RBM27: variants seen among roughly 807,000 people sequenced by gnomAD.
RBM27 encodes the protein RNA binding motif protein 27, also known as RNA-binding protein 27.
RBM27 carries 22 observed loss-of-function variants against 135.3 expected under a neutral mutation model. That is an observed-to-expected ratio of 0.16 (90% CI 0.12 to 0.23). The LOEUF (loss-of-function observed/expected upper bound fraction) is 0.23, where lower values mean the gene tolerates loss of function less well. RBM27 is among the 10% of genes least tolerant of loss of function. The pLI, the probability that RBM27 is intolerant of heterozygous loss-of-function variation, is 1.00. For missense variants in RBM27, 1,009 were observed against 1,281.0 expected, an observed-to-expected ratio of 0.79 and a Z score of 3.24; for synonymous variants, 481 against 442.4, an observed-to-expected ratio of 1.09 and a Z score of -1.10.
intron 14 of RBM27, among the ~76,000 whole-genome samples, chr5:146,266,643 A>C (rs1447392823): frequency 6.6e-6 from 1 of 152,202 alleles, no homozygotes; most frequent in East Asian, 1.9e-4. Context: ...TTAATTAAGA[A>C]GTTTTTAAAA....
At chr5:146,240,165 T>C (rs1328031815) in intron 8 of RBM27, among the ~76,000 whole-genome samples, 2 of 152,124 alleles carry the variant, frequency 1.3e-5, no homozygotes, top group Non-Finnish European at 2.9e-5. Context: ...ATGCCAATTA[T>C]ACCCTTTCTG....
chr5:146,268,002 TTTA>T (rs1245207183), intron 15 of RBM27, among the ~76,000 whole-genome samples: 1 of 152,066 alleles, frequency 6.6e-6, no homozygotes, highest in Non-Finnish European at 1.5e-5. Flanking sequence ...AATTCTAGTG[TTTA>T]TTTTCTTTTT....
rs1759587880 is a variant in RBM27 at position 146,286,531 on chromosome 5, T to A, written c.*501T>A. 7.7e-6 allele frequency: 1 copy of A among 129,224 alleles called. No individual in the cohort carries two copies. Among genetic ancestry groups the A allele is most frequent in the Non-Finnish European group, 1.5e-5 (1 of 64,646 alleles). The allele number at this position is 129,224 out of a possible 1,614,324, so 8.0% of individuals were successfully genotyped here. On this transcript the variant is annotated 3_prime_UTR_variant, in exon 21 of 21. Coordinates refer to ENST00000265271, the MANE Select transcript of RBM27 (RefSeq NM_018989.2). ...AAAAATATGTTTATTTTAATTTTAA[T>A]TTTTTTTTTTTTTTACTTTGGAGGA...
intron 6 of RBM27, 139 bp from the exon 7 acceptor site, chr5:146,233,311 A>G: frequency 1.5e-6 from 2 of 1,346,236 alleles, no homozygotes; most frequent in South Asian, 3.4e-5. Flanking sequence ...TGCTTAACAG[A>G]GTAACACTGA....
At chr5:146,216,413 G>A (rs1370505466) in intron 1 of RBM27, among the ~76,000 whole-genome samples, 2 of 152,012 alleles carry the variant, frequency 1.3e-5, no homozygotes, top group African/African-American at 4.8e-5. Context: ...TGTATTTAAG[G>A]TGTGATGTTT....
Position 146,261,578 on chromosome 5 carries a change from C to G in RBM27, c.1962C>G (p.Ala654=), listed in dbSNP as rs776652423. 2 of 1,614,182 alleles carry G rather than the reference C, an allele frequency of 1.2e-6. No individual in the cohort carries two copies. Among genetic ancestry groups the G allele is most frequent in the East Asian group, 4.5e-5 (2 of 44,892 alleles). ...TTACCAATGAGGAGGCCAGGAAAGC[C>G]ATTTCTAGCACAGAAGCAGTTCTAA... ...QYLTNEEARK[A]ISSTEAVLNN... The change falls in exon 13 of 21, where the codon GCC becomes GCG. Residue 654 remains alanine (A), a synonymous_variant. Coordinates refer to ENST00000265271, the MANE Select transcript of RBM27 (RefSeq NM_018989.2).
intron 5 of RBM27, among the ~76,000 whole-genome samples, chr5:146,230,442 A>G (rs573995547): frequency 6.6e-6 from 1 of 152,304 alleles, no homozygotes; most frequent in Middle Eastern, 3.4e-3. Flanking sequence ...TGATACTATA[A>G]AAGATGATTT....
intron 8 of RBM27, among the ~76,000 whole-genome samples, chr5:146,244,371 T>A (rs1052178408): frequency 6.6e-6 from 1 of 152,170 alleles, no homozygotes; most frequent in Non-Finnish European, 1.5e-5. Context: ...AAAAATTGAT[T>A]ATAATTTATA....
At chr5:146,213,620 T>C (rs1442610347) in intron 1 of RBM27, among the ~76,000 whole-genome samples, 2 of 152,178 alleles carry the variant, frequency 1.3e-5, no homozygotes, top group Non-Finnish European at 2.9e-5. Context: ...AGCAAGTAAA[T>C]GGTAATGGTT....
In RBM27 at chr5:146,271,580, C is replaced by T. The variant is rs1379554250; in HGVS notation, c.2894C>T (p.Ser965Leu). 1 of 1,613,390 alleles carries T rather than the reference C, an allele frequency of 6.2e-7. No individual in the cohort carries two copies. Among genetic ancestry groups the T allele is most frequent in the Non-Finnish European group, 8.5e-7 (1 of 1,179,534 alleles). ...GGGCGTGGAGGAAGAGGAAGGGGCT[C>T]ACTAAATCACATGGTGGTGGACCAT... Reference protein sequence around the residue: ...GRGRGGRGRGSLNHMVVDHRP... With the variant: ...GRGRGGRGRGLLNHMVVDHRP... Residue 965 changes from serine to leucine, a missense_variant, in exon 19 of 21, where the codon TCA becomes TTA. Coordinates refer to ENST00000265271, the MANE Select transcript of RBM27 (RefSeq NM_018989.2).
chr5:146,256,376 G>T (rs1028604450), intron 10 of RBM27, among the ~76,000 whole-genome samples: 2 of 146,100 alleles, frequency 1.4e-5, no homozygotes, highest in African/African-American at 5.1e-5. Context: ...TTGAGACAGG[G>T]TCTCCTTCTG....
intron 1 of RBM27, among the ~76,000 whole-genome samples, chr5:146,217,317 T>C (rs1437845551): frequency 6.6e-6 from 1 of 151,956 alleles, no homozygotes; most frequent in Non-Finnish European, 1.5e-5. Flanking sequence ...GTGTTAATAT[T>C]GACAACAAAA....
rs577246498 is a variant in RBM27 at position 146,223,502 on chromosome 5, A to T, written c.278A>T (p.Gln93Leu). ...AAGCCTGAGCCAAAACCACTAGTCC[A>T]AGAAAAAGAAGAAATTAAAGAAGAG... ...PVKPEPKPLV[Q>L]EKEEIKEEVF... Residue 93 changes from glutamine to leucine, a missense_variant, in exon 3 of 21, where the codon CAA becomes CTA. By Grantham distance (113) the Gln-to-Leu change is moderately radical. Around this residue, in one of 6 missense-constraint regions of RBM27, gnomAD observed 268 missense variants for 326.6 expected, o/e 0.82. Transcript: ENST00000265271. The T allele has an allele frequency of 6.2e-7, 1 of 1,604,108 alleles. No homozygotes were observed. Among genetic ancestry groups the T allele is most frequent in the Non-Finnish European group, 8.5e-7 (1 of 1,176,782 alleles).
chr5:146,263,763 T>G, intron 14 of RBM27, 132 bp downstream of exon 14: 1 of 1,089,586 alleles, frequency 9.2e-7, no homozygotes. Context: ...CTCTCTAGTT[T>G]CCATGTTTCA....
intron 5 of RBM27, 35 bp from the exon 6 acceptor site, chr5:146,230,622 C>T: frequency 3.8e-6 from 6 of 1,598,732 alleles, no homozygotes; most frequent in Non-Finnish European, 5.1e-6. Context: ...TATCTGATCT[C>T]TTTGTTTTCT....
intron 2 of RBM27, among the ~76,000 whole-genome samples, chr5:146,219,576 C>A (rs1184789946): frequency 3.3e-5 from 5 of 152,110 alleles, no homozygotes; most frequent in African/African-American, 1.2e-4. Context: ...ACAGAGCTTC[C>A]TAAGGTTTCC....
At chr5:146,246,373 T>C (rs1434977392) in intron 8 of RBM27, among the ~76,000 whole-genome samples, 1 of 152,238 alleles carries the variant, frequency 6.6e-6, no homozygotes, top group Non-Finnish European at 1.5e-5. Flanking sequence ...ATATTAGGCA[T>C]GTTACCTATA....
At position 146,288,657 on chromosome 5, in the gene RBM27, G is replaced by A. The variant is rs1759677745; in HGVS notation, c.*2627G>A. ...TAAAGCAAGTTCTGTCCCTCTTAAT[G>A]TGTATGACATCTTTTTAAGTAGCTG... On this transcript the variant is annotated 3_prime_UTR_variant, in exon 21 of 21. Coordinates refer to ENST00000265271, the MANE Select transcript of RBM27 (RefSeq NM_018989.2). 1 of 152,032 alleles carries A rather than the reference G, an allele frequency of 6.6e-6. No individual in the cohort carries two copies. The highest frequency in any genetic ancestry group is 1.5e-5 in the Non-Finnish European group (1 of 67,938). The allele number at this position is 152,032 out of a possible 1,614,324, so 9.4% of individuals were successfully genotyped here.
intron 10 of RBM27, among the ~76,000 whole-genome samples, chr5:146,256,437 C>T (rs955823971): frequency 6.6e-6 from 1 of 151,102 alleles, no homozygotes; most frequent in Non-Finnish European, 1.5e-5. Context: ...GCAACCTCCG[C>T]CTCCTGGGTT....
Sources: allele counts gnomAD v4.1 joint callset (sites outside exome capture counted in the v4.1 genomes callset), GRCh38; gene constraint gnomAD v4.1.1; regional missense constraint gnomAD v4.1.1; transcripts MANE v1.5; gene names NCBI Gene and HGNC (gene_info 2026-07-23, HGNC 2026-07-21).